The following GRIK3 variants were observed in gnomAD, a reference collection of about 807,000 sequenced individuals.
The protein encoded by GRIK3 is glutamate ionotropic receptor kainate type subunit 3.
A neutral mutation model predicts 102.5 loss-of-function variants in GRIK3; 29 were observed. The ratio of observed to expected loss-of-function variants is 0.28; its 90% CI spans 0.21 to 0.39. The LOEUF (loss-of-function observed/expected upper bound fraction) is 0.39, where lower values mean the gene tolerates loss of function less well. GRIK3 is among the 10% of genes least tolerant of loss of function. GRIK3 has a pLI of 1.00. For synonymous variants in GRIK3, 511 were observed against 504.9 expected (o/e 1.01, Z -0.16); for missense variants, 908 against 1,252.4 (o/e 0.73, Z 4.15).
chr1:36,808,162 A>G (rs1326891425), intron 13 of GRIK3, among the ~76,000 whole-genome samples: 3 of 151,886 alleles, frequency 2.0e-5, no homozygotes, highest in African/African-American at 7.3e-5. Flanking sequence ...GCCTCCCCCA[A>G]TGTTTCTTAT....
At chr1:36,875,885 G>T (rs1640908220) in intron 3 of GRIK3, among the ~76,000 whole-genome samples, 1 of 152,228 alleles carries the variant, frequency 6.6e-6, no homozygotes, top group African/African-American at 2.4e-5. Context: ...TAAAAGAACT[G>T]TGATTGTGTT....
chr1:36,995,709 A>T (rs1489699704), intron 1 of GRIK3, among the ~76,000 whole-genome samples: 2 of 152,178 alleles, frequency 1.3e-5, no homozygotes, highest in African/African-American at 4.8e-5. Flanking sequence ...GTTGGTGTGC[A>T]GCCACACTGC....
chr1:36,998,009 A>G (rs1336590022), intron 1 of GRIK3, among the ~76,000 whole-genome samples: 1 of 152,186 alleles, frequency 6.6e-6, no homozygotes, highest in Admixed American at 6.5e-5. Context: ...CTGTGACTTC[A>G]GAGCATAGAA....
Position 36,859,034 on chromosome 1 carries a change from C to T in GRIK3, c.1104+74G>A. ...GATGAGAATCAATCCTTCCTGACTCCCAGACCACTCTGCTGCTCTACAGGG... is the reference window on the plus strand; with the variant it reads ...GATGAGAATCAATCCTTCCTGACTCTCAGACCACTCTGCTGCTCTACAGGG... On this transcript the variant is annotated intron_variant, in intron 7 of 15. Transcript: ENST00000373091. 3.1e-6 allele frequency: 4 copies of T among 1,309,384 alleles called. No individual in the cohort carries two copies. In the Admixed American group the frequency reaches 6.5e-5, roughly 21 times the overall value. 81.1% of individuals were successfully genotyped at this position (1,309,384 alleles called of 1,614,324 possible). A position where few individuals can be genotyped will look rare whatever the true frequency, so the allele number is the denominator to read the frequency against.
At position 36,795,875 on chromosome 1, in the gene GRIK3, T is replaced by C. The variant is rs922531056; in HGVS notation, c.*5976A>G. 3 of 152,174 alleles carry C rather than the reference T, an allele frequency of 2.0e-5. No individual in the cohort carries two copies. Among genetic ancestry groups the C allele is most frequent in the Non-Finnish European group, 2.9e-5 (2 of 68,032 alleles). The allele number at this position is 152,174 out of a possible 1,614,324, so 9.4% of individuals were successfully genotyped here. A position where few individuals can be genotyped will look rare whatever the true frequency, so the allele number is the denominator to read the frequency against. On this transcript the variant is annotated 3_prime_UTR_variant, in exon 16 of 16. Coordinates refer to ENST00000373091, the MANE Select transcript of GRIK3 (RefSeq NM_000831.4). ...ACAGGTCTAGGGTCTCAGAGGCCCA[T>C]GGTGCTCCCTGGGGGCTCAGCCCAG...
At chr1:36,989,410 G>A (rs1268062629) in intron 1 of GRIK3, among the ~76,000 whole-genome samples, 1 of 152,228 alleles carries the variant, frequency 6.6e-6, no homozygotes, top group African/African-American at 2.4e-5. Context: ...TGTCTGTGCT[G>A]GGGAGGAGTT....
chr1:36,953,283 G>A (rs1402063439), intron 1 of GRIK3, among the ~76,000 whole-genome samples: 1 of 152,150 alleles, frequency 6.6e-6, no homozygotes, highest in Non-Finnish European at 1.5e-5. Context: ...CAGAACAGAT[G>A]GCAAGAGGAC....
chr1:36,911,798 G>C (rs530440315), intron 1 of GRIK3, among the ~76,000 whole-genome samples: 1 of 152,046 alleles, frequency 6.6e-6, no homozygotes, highest in Non-Finnish European at 1.5e-5. Context: ...AGGACTGAGC[G>C]GGGAGCTGTG....
intron 10 of GRIK3, among the ~76,000 whole-genome samples, chr1:36,838,504 T>A (rs933429375): frequency 2.0e-5 from 3 of 152,170 alleles, no homozygotes; most frequent in African/African-American, 7.2e-5. Context: ...TAGTTCAAGG[T>A]GACTTGCGGC....
intron 1 of GRIK3, among the ~76,000 whole-genome samples, chr1:37,024,447 A>G (rs1322138962): frequency 2.8e-5 from 4 of 140,760 alleles, no homozygotes; most frequent in Non-Finnish European, 6.0e-5. Context: ...AGGTACAACT[A>G]TTATTATTAT....
intron 1 of GRIK3, among the ~76,000 whole-genome samples, chr1:36,973,152 G>T (rs187990000): frequency 6.6e-6 from 1 of 152,092 alleles, no homozygotes; most frequent in African/African-American, 2.4e-5. Flanking sequence ...TACTTCCAAA[G>T]CTACCCCCAG....
At chr1:36,928,266 G>A (rs1054368476) in intron 1 of GRIK3, among the ~76,000 whole-genome samples, 4 of 152,232 alleles carry the variant, frequency 2.6e-5, no homozygotes, top group African/African-American at 4.8e-5. Flanking sequence ...CTCTCTGAGT[G>A]TGCGAGGTAG....
intron 2 of GRIK3, among the ~76,000 whole-genome samples, chr1:36,884,466 C>T (rs1044078519): frequency 1.3e-5 from 2 of 152,154 alleles, no homozygotes; most frequent in African/African-American, 2.4e-5. Flanking sequence ...ACAACCTTGT[C>T]CCCTTCAGAT....
chr1:36,939,779 T>A (rs1220143600), intron 1 of GRIK3, among the ~76,000 whole-genome samples: 2 of 152,202 alleles, frequency 1.3e-5, no homozygotes, highest in Non-Finnish European at 2.9e-5. Flanking sequence ...TTGCTATTTC[T>A]CAGAGAATGT....
intron 1 of GRIK3, among the ~76,000 whole-genome samples, chr1:36,891,316 C>T (rs1019309992): frequency 3.3e-5 from 5 of 152,084 alleles, no homozygotes; most frequent in South Asian, 2.1e-4. Flanking sequence ...TAACAGAGCC[C>T]GACAGGGCCA....
At chr1:37,023,398 G>A (rs1569578274) in intron 1 of GRIK3, among the ~76,000 whole-genome samples, 1 of 152,096 alleles carries the variant, frequency 6.6e-6, no homozygotes, top group South Asian at 2.1e-4. Context: ...AGAGTGTGGG[G>A]GAAAGCACAG....
intron 1 of GRIK3, among the ~76,000 whole-genome samples, chr1:36,941,165 A>G (rs147547796): frequency 8.5e-5 from 13 of 152,238 alleles, no homozygotes; most frequent in Non-Finnish European, 1.6e-4. Context: ...TCAGATCAGG[A>G]TGGACTCTCA....
chr1:36,858,973 C>G lies in GRIK3; in HGVS notation c.1104+135G>C, dbSNP rs1640687342. 3 of 766,124 alleles carry G rather than the reference C, an allele frequency of 3.9e-6. No individual in the cohort carries two copies. In the South Asian group the frequency reaches 6.1e-5, roughly 16 times the overall value. The allele number at this position is 766,124 out of a possible 1,614,324, so 47.5% of individuals were successfully genotyped here. ...CCCATTTTCACACGGGAAACTGAGGCTCGGAGACATGAGGCAACTTGCCTG... is the reference window on the plus strand; with the variant it reads ...CCCATTTTCACACGGGAAACTGAGGGTCGGAGACATGAGGCAACTTGCCTG... On this transcript the variant is annotated intron_variant, in intron 7 of 15. Transcript: ENST00000373091.
intron 10 of GRIK3, among the ~76,000 whole-genome samples, chr1:36,832,744 G>T (rs944873283): frequency 2.0e-5 from 3 of 152,186 alleles, no homozygotes; most frequent in Non-Finnish European, 2.9e-5. Context: ...GGTCTTCCCT[G>T]CTTCATAGAC....
Sources: allele counts gnomAD v4.1 joint callset (sites outside exome capture counted in the v4.1 genomes callset), GRCh38; gene constraint gnomAD v4.1.1; transcripts MANE v1.5; gene names NCBI Gene and HGNC (gene_info 2026-07-23, HGNC 2026-07-21).